Variants in MGMT observed in about 807,000 individuals in gnomAD.
The protein encoded by MGMT is O-6-methylguanine-DNA methyltransferase, also known as methylated-DNA--protein-cysteine methyltransferase.
MGMT carries 14 observed loss-of-function variants against 15.9 expected under a neutral mutation model. That is an observed-to-expected ratio of 0.88 (90% confidence interval 0.58 to 1.37). The LOEUF (loss-of-function observed/expected upper bound fraction) is 1.37. Ranked by LOEUF, MGMT falls within the 40% of genes most tolerant of loss-of-function variation. The pLI is 0.00. For synonymous variants in MGMT, 130 were observed against 118.2 expected (o/e 1.10, Z -0.65); for missense variants, 282 against 268.1 (o/e 1.05, Z -0.36).
At chr10:129,490,386 G>A (rs1367997580) in intron 1 of MGMT, among the ~76,000 whole-genome samples, 1 of 152,086 alleles carries the variant, frequency 6.6e-6, no homozygotes, top group Non-Finnish European at 1.5e-5. Context: ...ACATTACTTG[G>A]CCACTAAGAA....
chr10:129,638,142 G>A (rs115403057), intron 2 of MGMT, among the ~76,000 whole-genome samples: 1,597 of 152,208 alleles, frequency 0.01, 32 homozygotes, highest in African/African-American at 0.036. Flanking sequence ...GGAGACATGT[G>A]ACATGTTTCA....
chr10:129,729,049 T>C (rs913118), intron 3 of MGMT, among the ~76,000 whole-genome samples: 84,367 of 151,646 alleles, frequency 0.56, 23,697 homozygotes, highest in Middle Eastern at 0.71. Flanking sequence ...TGAAGGGAGA[T>C]GGCCCTGGCA....
At chr10:129,498,059 C>T (rs936899028) in intron 1 of MGMT, among the ~76,000 whole-genome samples, 4 of 152,192 alleles carry the variant, frequency 2.6e-5, no homozygotes, top group Admixed American at 6.5e-5. Context: ...ACCCTGGACC[C>T]TTTCGAAGAA....
intron 3 of MGMT, among the ~76,000 whole-genome samples, chr10:129,737,531 T>C (rs568637188): frequency 2.0e-5 from 3 of 152,368 alleles, no homozygotes; most frequent in Middle Eastern, 3.4e-3. Flanking sequence ...AATTTGATCG[T>C]CTGAAGCCTT....
chr10:129,646,228 T>A (rs1847386983), intron 2 of MGMT, among the ~76,000 whole-genome samples: 1 of 152,050 alleles, frequency 6.6e-6, no homozygotes, highest in African/African-American at 2.4e-5. Context: ...TGTGCCTTGG[T>A]AGAAGTGAAG....
intron 2 of MGMT, among the ~76,000 whole-genome samples, chr10:129,646,839 G>A (rs1226245327): frequency 6.7e-6 from 1 of 149,876 alleles, no homozygotes; most frequent in Non-Finnish European, 1.5e-5. Flanking sequence ...CAGGAGGTGA[G>A]AGCGGCGGCT....
chr10:129,555,201 A>T (rs2119797513), intron 2 of MGMT, among the ~76,000 whole-genome samples: 1 of 152,242 alleles, frequency 6.6e-6, no homozygotes, highest in East Asian at 1.9e-4. Context: ...GCCTCCTTAG[A>T]TGTCCCTGTC....
chr10:129,552,201 C>T (rs950284446), intron 2 of MGMT, among the ~76,000 whole-genome samples: 8 of 152,226 alleles, frequency 5.3e-5, no homozygotes, highest in African/African-American at 9.6e-5. Flanking sequence ...CATGGCCGAG[C>T]GCCCCGTTTC....
At chr10:129,591,207 A>G (rs958687954) in intron 2 of MGMT, among the ~76,000 whole-genome samples, 2 of 152,164 alleles carry the variant, frequency 1.3e-5, no homozygotes, top group Non-Finnish European at 2.9e-5. Flanking sequence ...TGTTTCAAAT[A>G]TTGTCCATTT....
At chr10:129,711,245 T>C (rs914143060) in intron 3 of MGMT, among the ~76,000 whole-genome samples, 15 of 152,194 alleles carry the variant, frequency 9.9e-5, no homozygotes, top group Admixed American at 5.9e-4. Context: ...CACAAAAATA[T>C]GCATTACGTT....
At position 129,770,018 on chromosome 10, in the gene MGMT, A is replaced by C. The variant is rs965828858; in HGVS notation, c.*3021A>C. On this transcript the variant is annotated 3_prime_UTR_variant, in exon 5 of 5. Coordinates refer to ENST00000651593, the MANE Select transcript of MGMT (RefSeq NM_002412.5). ...GGTTTGTAATTTGTATACACTTCTT[A>C]CCCAGCAGAAACAGCTTACTGAACA... 1.1e-4 allele frequency among the ~76,000 whole-genome samples: 17 copies of C among 152,124 alleles called. No individual in the cohort carries two copies. Among genetic ancestry groups the C allele is most frequent in the African/African-American group, 3.9e-4 (16 of 41,428 alleles).
intron 3 of MGMT, among the ~76,000 whole-genome samples, chr10:129,730,808 A>G (rs1198496783): frequency 6.6e-6 from 1 of 152,156 alleles, no homozygotes; most frequent in African/African-American, 2.4e-5. Context: ...CTGAATGACA[A>G]TTATTTGAAT....
chr10:129,497,961 A>G (rs1845539577), intron 1 of MGMT, among the ~76,000 whole-genome samples: 1 of 152,250 alleles, frequency 6.6e-6, no homozygotes, highest in Admixed American at 6.5e-5. Flanking sequence ...TTGTTTACAA[A>G]GCACCCAGTC....
intron 2 of MGMT, among the ~76,000 whole-genome samples, chr10:129,634,078 T>C (rs1389403657): frequency 6.6e-6 from 1 of 152,230 alleles, no homozygotes; most frequent in African/African-American, 2.4e-5. Flanking sequence ...AAAATGTCTT[T>C]ATTGCTTCTT....
intron 3 of MGMT, among the ~76,000 whole-genome samples, chr10:129,715,798 G>A (rs906784748): frequency 8.5e-5 from 13 of 152,248 alleles, no homozygotes; most frequent in African/African-American, 3.1e-4. Flanking sequence ...AGCTGAAAGT[G>A]TAAGAACTAT....
intron 1 of MGMT, among the ~76,000 whole-genome samples, chr10:129,528,818 G>T (rs916507326): frequency 1.3e-5 from 2 of 152,172 alleles, no homozygotes; most frequent in Non-Finnish European, 2.9e-5. Flanking sequence ...GTAGGGGATG[G>T]TGCCATCTGA....
chr10:129,701,496 A>G (rs1005661643), intron 2 of MGMT: 43 of 152,332 alleles, frequency 2.8e-4, no homozygotes, highest in Middle Eastern at 3.4e-3. Flanking sequence ...TCTGGGGAGT[A>G]GAATTCATTC....
At chr10:129,692,286 G>A (rs1564763109) in intron 2 of MGMT, among the ~76,000 whole-genome samples, 1 of 152,162 alleles carries the variant, frequency 6.6e-6, no homozygotes, top group Non-Finnish European at 1.5e-5. Flanking sequence ...ACACACCTGG[G>A]GAGCCTGAGC....
At chr10:129,715,759 T>C (rs1848287407) in intron 3 of MGMT, among the ~76,000 whole-genome samples, 2 of 152,218 alleles carry the variant, frequency 1.3e-5, no homozygotes, top group Non-Finnish European at 2.9e-5. Flanking sequence ...ATAAAATTAA[T>C]AGTGATAATG....
Sources: gnomAD v4.1 joint callset for allele counts (sites outside exome capture counted in the v4.1 genomes callset) on GRCh38, gnomAD v4.1.1 for gene constraint, MANE v1.5 for transcripts, NCBI Gene and HGNC (gene_info 2026-07-23, HGNC 2026-07-21) for gene names.